The following CGNL1 variants were observed in gnomAD, a reference collection of about 807,000 sequenced individuals.
CGNL1 encodes cingulin like 1.
Under a neutral mutation model 141.2 loss-of-function variants are expected in CGNL1, and 132 were observed. The ratio of observed to expected loss-of-function variants is 0.93; its 90% CI spans 0.81 to 1.08. The LOEUF is 1.08. CGNL1 is among the 50% of genes least tolerant of loss of function. The pLI, the probability that CGNL1 is intolerant of heterozygous loss-of-function variation, is 0.00. For missense variants in CGNL1, 1,870 were observed against 1,588.6 expected (o/e 1.18, Z -3.01); for synonymous variants, 690 against 622.1 (o/e 1.11, Z -1.63).
chr15:57,450,282 CTGTT>C lies in CGNL1; in HGVS notation c.1804-1212_1804-1209del, dbSNP rs199987100. The stretch of plus-strand genomic sequence containing the variant: ...ATATATTGGTATCTCGTTGGTTTGT[CTGTT>C]TGTTTTTTGAGATGGAGTCTTGCCC... On this transcript the variant is annotated intron_variant, in intron 4 of 18. Coordinates refer to ENST00000281282, the MANE Select transcript of CGNL1 (RefSeq NM_032866.5). 5.6e-3 allele frequency among the ~76,000 whole-genome samples: 853 copies of C among 152,090 alleles called. 8 individuals carry two copies. The highest frequency in any genetic ancestry group is 0.024 in the Middle Eastern group (7 of 294).
chr15:57,518,441 G>A lies in CGNL1; in HGVS notation c.2659G>A (p.Glu887Lys). ...GGCCCTTGTGCACGCCAGAAAGGAA[G>A]AAAAAGAAGCTGTGTCAGCCAGAAG... Reference protein sequence around the residue: ...EEALVHARKEEKEAVSARRAL... With the variant: ...EEALVHARKEKKEAVSARRAL... The change falls in exon 10 of 19, where the codon GAA becomes AAA. Residue 887 changes from glutamate (E) to lysine (K), a missense_variant. Transcript: ENST00000281282. The A allele has an allele frequency of 6.2e-7, 1 of 1,613,348 alleles. No homozygotes were observed. Among genetic ancestry groups the A allele is most frequent in the South Asian group, 1.1e-5 (1 of 90,792 alleles).
At position 57,407,187 on chromosome 15, in the gene CGNL1, C is replaced by T. The variant is rs2062732890; in HGVS notation, c.-16+30620C>T. ...GGTCAGAGCTAAGTTTCAGCGTTTA[C>T]AAGAGGTCTCTTGGCTGACTTGCTA... On this transcript the variant is annotated intron_variant, in intron 1 of 18. Transcript: ENST00000281282. 3.3e-5 allele frequency: 5 copies of T among 152,316 alleles called. No individual in the cohort carries two copies. The South Asian group carries it at 1.0e-3, about 32-fold the overall frequency. The allele number at this position is 152,316 out of a possible 1,614,324, so 9.4% of individuals were successfully genotyped here. A position where few individuals can be genotyped will look rare whatever the true frequency, so the allele number is the denominator to read the frequency against.
At chr15:57,545,449 G>C (rs8034775) in intron 16 of CGNL1, 143 bp from the exon 17 acceptor site, 442,328 of 632,928 alleles carry the variant, frequency 0.7, 155,203 homozygotes, top group Admixed American at 0.72. Context: ...AGCTTTTTCT[G>C]CTGTGAAGTT....
chr15:57,440,453 A>G lies in CGNL1; in HGVS notation c.1679A>G (p.Tyr560Cys), dbSNP rs763827977. Reference protein sequence around the residue: ...TNEETAKQILYNYLKEGSTDN... With the variant: ...TNEETAKQILCNYLKEGSTDN... ...GAGGAGACAGCTAAGCAGATTCTCT[A>G]CAATTACCTCAAAGAAGGGTTAGTG... The change falls in exon 3 of 19, where the codon TAC becomes TGC. Residue 560 changes from tyrosine (Y) to cysteine (C), a missense_variant. Tyr to Cys is a radical substitution (Grantham distance 194). Transcript: ENST00000281282. 1 of 1,592,382 alleles carries G rather than the reference A, an allele frequency of 6.3e-7. No homozygotes were observed.
rs375591961 is a variant in CGNL1, at chr15:57,438,439, G to C, written c.440G>C (p.Arg147Thr). The C allele has an allele frequency of 3.1e-6, 5 of 1,614,070 alleles. No individual in the cohort carries two copies. In the African/African-American group the frequency reaches 6.7e-5, roughly 22 times the overall value. The change falls in exon 2 of 19, where the codon AGG (arginine) becomes ACG (threonine). Residue 147 changes from arginine to threonine, a missense_variant. Coordinates refer to ENST00000281282, the MANE Select transcript of CGNL1 (RefSeq NM_032866.5). ...VKPSHLLNFQ[R>T]HPELLQPYDP... ...CCATCTCACCTGCTGAACTTTCAGA[G>C]GCATCCAGAGCTTTTGCAACCCTAT...
At chr15:57,412,777 G>C (rs973295982) in intron 1 of CGNL1, among the ~76,000 whole-genome samples, 114 of 152,242 alleles carry the variant, frequency 7.5e-4, no homozygotes, top group African/African-American at 2.7e-3. Context: ...CAACCATTCT[G>C]GTATTCATAT....
At position 57,547,617 on chromosome 15, in the gene CGNL1, A is replaced by C; in HGVS notation, c.*127A>C. On this transcript the variant is annotated 3_prime_UTR_variant, in exon 19 of 19. Transcript: ENST00000281282. Reference sequence around the variant, plus strand: ...TCACAGCCTCTTTGCACAGCATGCCAGCTCCTCAGTGTTACATTCCTCGCC... The same window carrying C: ...TCACAGCCTCTTTGCACAGCATGCCCGCTCCTCAGTGTTACATTCCTCGCC... 9.2e-7 allele frequency: 1 copy of C among 1,082,970 alleles called. No homozygotes were observed. The highest frequency in any genetic ancestry group is 1.6e-5 in the African/African-American group (1 of 63,222). The allele number at this position is 1,082,970 out of a possible 1,614,324, so 67.1% of individuals were successfully genotyped here. A position where few individuals can be genotyped will look rare whatever the true frequency, so the allele number is the denominator to read the frequency against.
At chr15:57,493,955 C>T (rs1265386560) in intron 8 of CGNL1, among the ~76,000 whole-genome samples, 9 of 152,218 alleles carry the variant, frequency 5.9e-5, no homozygotes, top group African/African-American at 1.9e-4. Flanking sequence ...GAGAACCAGG[C>T]ATCTCTCCTA....
intron 8 of CGNL1, among the ~76,000 whole-genome samples, chr15:57,516,486 C>T (rs2030808055): frequency 6.6e-6 from 1 of 152,186 alleles, no homozygotes. Context: ...CTTTGTGACA[C>T]CATAGGCTTT....
chr15:57,502,755 C>T (rs1313201678), intron 8 of CGNL1, among the ~76,000 whole-genome samples: 2 of 152,158 alleles, frequency 1.3e-5, no homozygotes, highest in Non-Finnish European at 2.9e-5. Context: ...GGCACTGTAC[C>T]TTGTTCAAGT....
At position 57,528,786 on chromosome 15, in the gene CGNL1, G is replaced by T; in HGVS notation, c.3172G>T (p.Asp1058Tyr). The T allele has an allele frequency of 1.2e-6, 2 of 1,614,026 alleles. No homozygotes were observed. The highest frequency in any genetic ancestry group is 2.2e-5 in the South Asian group (2 of 91,036). The stretch of plus-strand genomic sequence containing the variant: ...GGAAGCCAAGAGTCACCTCAAAGAT[G>T]ACCGCAGCAGGCTGGTCAAGCAGAT... ...ELEAKSHLKD[D>Y]RSRLVKQMED... Residue 1058 changes from aspartate to tyrosine, a missense_variant, in exon 13 of 19, where the codon GAC becomes TAC. By Grantham distance (160) the Asp-to-Tyr change is radical. Transcript: ENST00000281282.
chr15:57,451,608 G>T lies in CGNL1; in HGVS notation c.1905+7G>T. ...GCTTCAACTGGAAGTCAAGGTATCT[G>T]GTTTTTCCTTTATGTTATTTTTTCC... On this transcript the variant is annotated splice_region_variant and intron_variant, in intron 5 of 18. Coordinates refer to ENST00000281282, the MANE Select transcript of CGNL1 (RefSeq NM_032866.5). 4 of 1,579,308 alleles carry T rather than the reference G, an allele frequency of 2.5e-6. No homozygotes were observed. Among genetic ancestry groups the T allele is most frequent in the Non-Finnish European group, 3.5e-6 (4 of 1,152,792 alleles).
chr15:57,445,604 T>C (rs956158679), intron 4 of CGNL1, among the ~76,000 whole-genome samples: 4 of 152,218 alleles, frequency 2.6e-5, no homozygotes, highest in Non-Finnish European at 4.4e-5. Context: ...AAATGGATTG[T>C]TATTTTGCCT....
intron 8 of CGNL1, among the ~76,000 whole-genome samples, chr15:57,493,064 G>T (rs1219970641): frequency 6.6e-6 from 1 of 152,166 alleles, no homozygotes; most frequent in Non-Finnish European, 1.5e-5. Flanking sequence ...CTGAGGTCTG[G>T]TTTGATACCA....
intron 8 of CGNL1, among the ~76,000 whole-genome samples, chr15:57,498,031 T>C (rs552350903): frequency 6.6e-6 from 1 of 152,182 alleles, no homozygotes; most frequent in Non-Finnish European, 1.5e-5. Context: ...CTGTGGCATG[T>C]GCTGTTTTTT....
chr15:57,424,340 A>G (rs550390296), intron 1 of CGNL1, among the ~76,000 whole-genome samples: 1 of 151,898 alleles, frequency 6.6e-6, no homozygotes, highest in East Asian at 1.9e-4. Flanking sequence ...CACTACCACC[A>G]CCATCACCTC....
At chr15:57,434,716 T>A (rs1286960966) in intron 1 of CGNL1, among the ~76,000 whole-genome samples, 1 of 152,152 alleles carries the variant, frequency 6.6e-6, no homozygotes, top group African/African-American at 2.4e-5. Flanking sequence ...AGCTAGAAGA[T>A]AATGAAGTTT....
In CGNL1 at chr15:57,439,011, C is replaced by T. The variant is rs2152306936; in HGVS notation, c.1012C>T (p.Leu338=). The change falls in exon 2 of 19, where the codon CTG becomes TTG. Residue 338 remains leucine (L), a synonymous_variant. Coordinates refer to ENST00000281282, the MANE Select transcript of CGNL1 (RefSeq NM_032866.5). ...RHENRRYIPF[L]PGTGRDIDTG... ...TGAAAACAGAAGGTATATTCCCTTC[C>T]TGCCAGGAACTGGACGGGATATTGA... 6.2e-7 allele frequency: 1 copy of T among 1,614,228 alleles called. No individual in the cohort carries two copies. The highest frequency in any genetic ancestry group is 8.5e-7 in the Non-Finnish European group (1 of 1,180,040).
At chr15:57,461,218 C>G (rs1323294933) in intron 7 of CGNL1, among the ~76,000 whole-genome samples, 1 of 152,042 alleles carries the variant, frequency 6.6e-6, no homozygotes, top group Non-Finnish European at 1.5e-5. Context: ...GAAAAACAGG[C>G]AAAGTTGTCC....
Sources: gnomAD v4.1 joint callset for allele counts (sites outside exome capture counted in the v4.1 genomes callset) on GRCh38, gnomAD v4.1.1 for gene constraint, MANE v1.5 for transcripts, NCBI Gene and HGNC (gene_info 2026-07-23, HGNC 2026-07-21) for gene names.